The following NIBAN1 variants were observed in gnomAD, a reference collection of about 807,000 sequenced individuals.
NIBAN1 encodes niban apoptosis regulator 1.
In NIBAN1, 81 loss-of-function variants were observed where a neutral mutation model predicts 75.1. The observed-to-expected ratio is 1.08, with a 90% CI of 0.90 to 1.30. The LOEUF is 1.30. NIBAN1 is among the 50% of genes most tolerant of loss of function. NIBAN1 has a pLI of 0.00. For missense variants in NIBAN1, 1,133 were observed against 1,128.1 expected (o/e 1.00, Z -0.06); for synonymous variants, 436 against 424.8 (o/e 1.03, Z -0.32).
At position 184,793,806 on chromosome 1, in the gene NIBAN1, G is replaced by C. The variant is rs538889784; in HGVS notation, c.*1171C>G. 6.6e-6 allele frequency: 1 copy of C among 152,046 alleles called. No homozygotes were observed. The highest frequency in any genetic ancestry group is 6.5e-5 in the Admixed American group (1 of 15,280). 9.4% of individuals were successfully genotyped at this position (152,046 alleles called of 1,614,324 possible). A position where few individuals can be genotyped will look rare whatever the true frequency, so the allele number is the denominator to read the frequency against. ...GGAGGAAGGAACAAAGTTGTTTTTCGCCATGGTATCCCCAGTGCTTGGTAT... is the reference window on the plus strand; with the variant it reads ...GGAGGAAGGAACAAAGTTGTTTTTCCCCATGGTATCCCCAGTGCTTGGTAT... On this transcript the variant is annotated 3_prime_UTR_variant, in exon 14 of 14. Transcript: ENST00000367511.
chr1:184,954,023 G>A (rs1658423213), intron 1 of NIBAN1, among the ~76,000 whole-genome samples: 1 of 152,146 alleles, frequency 6.6e-6, no homozygotes, highest in African/African-American at 2.4e-5. Context: ...TTCCTAAGGG[G>A]GAAAGATTAT....
intron 1 of NIBAN1, among the ~76,000 whole-genome samples, chr1:184,937,988 T>C (rs1312833739): frequency 1.3e-5 from 2 of 152,124 alleles, no homozygotes; most frequent in Non-Finnish European, 2.9e-5. Flanking sequence ...TAGAGGTTTA[T>C]CAGGCCAGCC....
chr1:184,908,592 A>T (rs978116383), intron 1 of NIBAN1, among the ~76,000 whole-genome samples: 4 of 152,212 alleles, frequency 2.6e-5, no homozygotes, highest in African/African-American at 9.6e-5. Flanking sequence ...AGAGGAAACC[A>T]ATAGTATTGT....
At chr1:184,933,931 C>A (rs1470442267) in intron 1 of NIBAN1, among the ~76,000 whole-genome samples, 1 of 152,178 alleles carries the variant, frequency 6.6e-6, no homozygotes, top group African/African-American at 2.4e-5. Flanking sequence ...ACCAACTGAC[C>A]TCCCTGACAT....
At chr1:184,840,320 C>A (rs1301045242) in intron 5 of NIBAN1, among the ~76,000 whole-genome samples, 2 of 152,102 alleles carry the variant, frequency 1.3e-5, no homozygotes, top group Non-Finnish European at 2.9e-5. Flanking sequence ...CTGACCAAAT[C>A]ATATCTGTAT....
At chr1:184,904,391 T>A (rs1657036586) in intron 1 of NIBAN1, among the ~76,000 whole-genome samples, 1 of 152,218 alleles carries the variant, frequency 6.6e-6, no homozygotes, top group Non-Finnish European at 1.5e-5. Context: ...GGAAGGAAAC[T>A]AACACACCTC....
intron 1 of NIBAN1, among the ~76,000 whole-genome samples, chr1:184,906,511 T>G (rs1657110188): frequency 6.6e-6 from 1 of 151,994 alleles, no homozygotes; most frequent in African/African-American, 2.4e-5. Flanking sequence ...ATGCCTGTAA[T>G]CCCAGCTACT....
At chr1:184,961,023 G>A (rs1658622611) in intron 1 of NIBAN1, among the ~76,000 whole-genome samples, 1 of 129,150 alleles carries the variant, frequency 7.7e-6, no homozygotes, top group Non-Finnish European at 1.6e-5. Context: ...ATTCCTTCAA[G>A]TACTTCCCCC....
chr1:184,951,410 CAT>C (rs1293788639), intron 1 of NIBAN1, among the ~76,000 whole-genome samples: 2 of 152,202 alleles, frequency 1.3e-5, no homozygotes, highest in African/African-American at 4.8e-5. Context: ...GTGAACTCTT[CAT>C]TTTCTCCATC....
intron 11 of NIBAN1, among the ~76,000 whole-genome samples, chr1:184,804,948 C>G (rs1654152743): frequency 6.6e-6 from 1 of 152,016 alleles, no homozygotes; most frequent in Admixed American, 6.5e-5. Flanking sequence ...ACCACCACAC[C>G]CGGCTAGTTT....
At chr1:184,970,416 A>G (rs1453390237) in intron 1 of NIBAN1, among the ~76,000 whole-genome samples, 1 of 152,192 alleles carries the variant, frequency 6.6e-6, no homozygotes, top group Non-Finnish European at 1.5e-5. Flanking sequence ...ATCCACACTA[A>G]GTAGACTACA....
chr1:184,903,566 C>G lies in NIBAN1; in HGVS notation c.56-4257G>C, dbSNP rs368096794. 3.3e-5 allele frequency among the ~76,000 whole-genome samples: 5 copies of G among 151,954 alleles called. No individual in the cohort carries two copies. The East Asian group carries it at 7.8e-4, about 24-fold the overall frequency. ...ATGAGAGCTGGTTGTTTGAAGGGAGCCTGGCACCTTCTCCTCTCTCTTGCT... is the reference window on the plus strand; with the variant it reads ...ATGAGAGCTGGTTGTTTGAAGGGAGGCTGGCACCTTCTCCTCTCTCTTGCT... On this transcript the variant is annotated intron_variant, in intron 1 of 13. Coordinates refer to ENST00000367511, the MANE Select transcript of NIBAN1 (RefSeq NM_052966.4).
intron 11 of NIBAN1, 174 bp downstream of exon 11, chr1:184,805,772 G>A (rs1397362817): frequency 1.7e-6 from 1 of 604,756 alleles, no homozygotes; most frequent in African/African-American, 1.9e-5. Context: ...TGGCAGAAGA[G>A]GCATGGAAGT....
intron 4 of NIBAN1, among the ~76,000 whole-genome samples, chr1:184,886,684 T>C (rs1298915784): frequency 2.0e-5 from 3 of 151,946 alleles, no homozygotes; most frequent in Non-Finnish European, 2.9e-5. Context: ...CAGAAGAAAA[T>C]GTTAGTTCTG....
At chr1:184,895,893 T>C (rs1439029536) in intron 2 of NIBAN1, among the ~76,000 whole-genome samples, 1 of 152,192 alleles carries the variant, frequency 6.6e-6, no homozygotes, top group Non-Finnish European at 1.5e-5. Flanking sequence ...GGTATGATTT[T>C]GTTCTTTTTT....
intron 1 of NIBAN1, among the ~76,000 whole-genome samples, chr1:184,917,267 C>T (rs936473039): frequency 6.6e-6 from 1 of 150,708 alleles, no homozygotes; most frequent in African/African-American, 2.4e-5. Context: ...TGCAGTGGCG[C>T]GATCTCAGCT....
chr1:184,811,984 G>A (rs763411763), intron 9 of NIBAN1, among the ~76,000 whole-genome samples: 4 of 152,098 alleles, frequency 2.6e-5, no homozygotes, highest in African/African-American at 9.7e-5. Context: ...CCTCCCTCCC[G>A]GAAAAGGGAG....
chr1:184,841,310 G>A (rs1655281233), intron 5 of NIBAN1, among the ~76,000 whole-genome samples: 1 of 152,116 alleles, frequency 6.6e-6, no homozygotes, highest in South Asian at 2.1e-4. Context: ...CAAGCTCAGT[G>A]CAAGTCAGTC....
chr1:184,817,606 C>T (rs929022964), intron 9 of NIBAN1, among the ~76,000 whole-genome samples: 1 of 152,186 alleles, frequency 6.6e-6, no homozygotes. Context: ...TTTTGATTTG[C>T]ATTTATCTGA....
Sources: gnomAD v4.1 joint callset for allele counts (sites outside exome capture counted in the v4.1 genomes callset) on GRCh38, gnomAD v4.1.1 for gene constraint, MANE v1.5 for transcripts, NCBI Gene and HGNC (gene_info 2026-07-23, HGNC 2026-07-21) for gene names.